GPD2: variants seen among roughly 807,000 people sequenced by gnomAD.
The protein encoded by GPD2 is glycerol-3-phosphate dehydrogenase, mitochondrial.
In GPD2, 54 loss-of-function variants were observed where a neutral mutation model predicts 82.4. The ratio of observed to expected loss-of-function variants is 0.66; its 90% confidence interval spans 0.53 to 0.82. The LOEUF (loss-of-function observed/expected upper bound fraction) is 0.82, where lower values mean the gene tolerates loss of function less well. GPD2 is among the 40% of genes least tolerant of loss of function. GPD2 has a pLI of 0.00. For missense variants in GPD2, 748 were observed against 896.2 expected, an observed-to-expected ratio of 0.83 and a Z score of 2.11; for synonymous variants, 288 against 306.1, an observed-to-expected ratio of 0.94 and a Z score of 0.62.
At chr2:156,556,665 T>C (rs1283864720) in intron 8 of GPD2, among the ~76,000 whole-genome samples, 1 of 152,252 alleles carries the variant, frequency 6.6e-6, no homozygotes, top group Non-Finnish European at 1.5e-5. Flanking sequence ...CTAGTGTCTT[T>C]TATGTAAAAG....
intron 6 of GPD2, among the ~76,000 whole-genome samples, chr2:156,514,468 A>G (rs751300888): frequency 6.6e-6 from 1 of 151,664 alleles, no homozygotes; most frequent in Non-Finnish European, 1.5e-5. Context: ...ACTCTTAGCA[A>G]GAAGAATTTG....
chr2:156,479,592 G>A (rs1038145599), intron 2 of GPD2, among the ~76,000 whole-genome samples: 1 of 152,126 alleles, frequency 6.6e-6, no homozygotes, highest in African/African-American at 2.4e-5. Flanking sequence ...CTAAGGAGAG[G>A]GCAATTATTA....
At chr2:156,571,056 T>A in intron 12 of GPD2, 78 bp from the exon 13 acceptor site, 1 of 940,984 alleles carries the variant, frequency 1.1e-6, no homozygotes, top group Non-Finnish European at 1.7e-6. Flanking sequence ...CACACATTTA[T>A]TTTTTTTAAG....
chr2:156,542,267 A>G (rs1304831056), intron 6 of GPD2, among the ~76,000 whole-genome samples: 3 of 152,244 alleles, frequency 2.0e-5, no homozygotes, highest in African/African-American at 7.2e-5. Context: ...GGATAATGAA[A>G]AGGATATTGT....
At chr2:156,567,805 T>C (rs1443817625) in intron 9 of GPD2, among the ~76,000 whole-genome samples, 4 of 152,150 alleles carry the variant, frequency 2.6e-5, no homozygotes, top group Non-Finnish European at 5.9e-5. Context: ...CTCTCTTAAG[T>C]CATTTTTAGA....
intron 2 of GPD2, 110 bp from the exon 3 acceptor site, chr2:156,495,932 CTT>C: frequency 2.5e-6 from 2 of 790,658 alleles, no homozygotes; most frequent in Non-Finnish European, 4.3e-6. Context: ...TGTGGACTCT[CTT>C]TAGCTCTTAT....
chr2:156,532,515 A>G (rs114700502), intron 6 of GPD2, among the ~76,000 whole-genome samples: 4,274 of 152,266 alleles, frequency 0.028, 89 homozygotes, highest in Non-Finnish European at 0.043. Flanking sequence ...TTTTTGAACA[A>G]TAGGTTTCAG....
chr2:156,550,510 A>G, intron 7 of GPD2, 92 bp from the exon 8 acceptor site: 2 of 1,275,358 alleles, frequency 1.6e-6, no homozygotes, highest in Non-Finnish European at 2.3e-6. Flanking sequence ...ATACTTCACC[A>G]TGGGTTAAGT....
At chr2:156,408,458 G>GCT in the GPD2 span, among the ~76,000 whole-genome samples, 12 of 152,272 alleles carry the variant, frequency 7.9e-5, no homozygotes, top group South Asian at 2.5e-3. Flanking sequence ...GGGTGCAGTG[G>GCT]CTCTGGCCTG....
the GPD2 span, among the ~76,000 whole-genome samples, chr2:156,426,054 G>A: frequency 6.6e-6 from 1 of 151,874 alleles, no homozygotes; most frequent in South Asian, 2.1e-4. Context: ...TCCCCGAGTA[G>A]CTGGGACTAC....
intron 6 of GPD2, among the ~76,000 whole-genome samples, chr2:156,527,798 C>A (rs181413788): frequency 3.9e-5 from 6 of 152,096 alleles, no homozygotes; most frequent in Admixed American, 2.6e-4. Flanking sequence ...AATCAGTACA[C>A]CAGAAACTTC....
intron 3 of GPD2, among the ~76,000 whole-genome samples, chr2:156,498,059 G>T (rs941473459): frequency 5.3e-5 from 8 of 152,108 alleles, no homozygotes; most frequent in African/African-American, 1.9e-4. Flanking sequence ...TGATAATTTT[G>T]TATATCAAAG....
At chr2:156,495,832 T>TA (rs1684350195) in intron 2 of GPD2, 1 of 552,852 alleles carries the variant, frequency 1.8e-6, no homozygotes, top group Non-Finnish European at 3.3e-6. Flanking sequence ...GTCCTATGGC[T>TA]AAATAGTTGT....
chr2:156,580,147 G>A (rs1160325065), intron 16 of GPD2, among the ~76,000 whole-genome samples: 1 of 151,976 alleles, frequency 6.6e-6, no homozygotes, highest in Non-Finnish European at 1.5e-5. Flanking sequence ...TTCTTTTCCT[G>A]TACTTCATAA....
At chr2:156,464,843 G>A (rs769895755) in intron 1 of GPD2, among the ~76,000 whole-genome samples, 1 of 151,820 alleles carries the variant, frequency 6.6e-6, no homozygotes, top group Non-Finnish European at 1.5e-5. Context: ...GAAAGAATTG[G>A]TACATTTTCT....
At chr2:156,558,157 A>G (rs1054039969) in intron 9 of GPD2, among the ~76,000 whole-genome samples, 3 of 152,114 alleles carry the variant, frequency 2.0e-5, no homozygotes, top group African/African-American at 7.2e-5. Context: ...GGTGATTTAT[A>G]TAGTTTTTTG....
At position 156,529,212 on chromosome 2, in the gene GPD2, G is replaced by T. The variant is rs535668289; in HGVS notation, c.661+15716G>T. Among the ~76,000 whole-genome samples, 20 of 148,774 alleles carry T rather than the reference G, an allele frequency of 1.3e-4. No homozygotes were observed. The East Asian group carries it at 3.4e-3, about 25-fold the overall frequency. ...AGTGATGGTGAGCATTTTTTCATAT[G>T]TTTTTTGGCTGCATAAATGTCTTCT... On this transcript the variant is annotated intron_variant, in intron 6 of 16. Coordinates refer to ENST00000438166, the MANE Select transcript of GPD2 (RefSeq NM_000408.5).
chr2:156,489,257 G>T (rs926965481), intron 2 of GPD2, among the ~76,000 whole-genome samples: 4 of 152,212 alleles, frequency 2.6e-5, no homozygotes, highest in African/African-American at 9.6e-5. Flanking sequence ...TAGAAATTCT[G>T]ATTTAGATGT....
chr2:156,496,231 T>A lies in GPD2; in HGVS notation c.274+16T>A, dbSNP rs753118584. The A allele has an allele frequency of 1.7e-5, 27 of 1,572,352 alleles. No individual in the cohort carries two copies. Among genetic ancestry groups the A allele is most frequent in the South Asian group, 5.6e-5 (5 of 90,026 alleles). On this transcript the variant is annotated intron_variant, in intron 3 of 16. Coordinates refer to ENST00000438166, the MANE Select transcript of GPD2 (RefSeq NM_000408.5). ...GTCACCAGAGGTAAGTCTTTTTTTT[T>A]TTTATTTTAATTTTAAGTTCTGGGG...
Sources: gnomAD v4.1 joint callset for allele counts (sites outside exome capture counted in the v4.1 genomes callset) on GRCh38, gnomAD v4.1.1 for gene constraint, MANE v1.5 for transcripts, NCBI Gene and HGNC (gene_info 2026-07-23, HGNC 2026-07-21) for gene names.